ZNF131: variants seen among roughly 807,000 people sequenced by gnomAD.
The protein encoded by ZNF131 is zinc finger protein 131.
In ZNF131, 7 loss-of-function variants were observed where a neutral mutation model predicts 60.0. The observed-to-expected ratio is 0.12, with a 90% CI of 0.07 to 0.22. The LOEUF (loss-of-function observed/expected upper bound fraction) is 0.22, where lower values mean the gene tolerates loss of function less well. Ranked by LOEUF, ZNF131 falls within the 10% of genes least tolerant of loss-of-function variation. The pLI is 1.00. For missense variants in ZNF131, 493 were observed against 740.9 expected (o/e 0.67, Z 3.88); for synonymous variants, 257 against 253.2 (o/e 1.01, Z -0.14).
At chr5:43,170,635 C>CTT (rs35855782) in intron 5 of ZNF131, among the ~76,000 whole-genome samples, 2,828 of 141,452 alleles carry the variant, frequency 0.02, 93 homozygotes, top group African/African-American at 0.063. Context: ...TCTTTGTCCC[C>CTT]TTTTTTTTTT....
chr5:43,144,639 C>T (rs1288045658), intron 4 of ZNF131, among the ~76,000 whole-genome samples: 1 of 152,088 alleles, frequency 6.6e-6, no homozygotes, highest in Non-Finnish European at 1.5e-5. Context: ...ACAGTAGTTG[C>T]AATGATAAAC....
chr5:43,159,948 G>A (rs991829159), intron 4 of ZNF131, among the ~76,000 whole-genome samples: 2 of 152,078 alleles, frequency 1.3e-5, no homozygotes, highest in South Asian at 2.1e-4. Context: ...AGGCCAAGGC[G>A]GGCAGATCAC....
chr5:43,158,197 A>C (rs911151409), intron 4 of ZNF131, among the ~76,000 whole-genome samples: 2 of 152,066 alleles, frequency 1.3e-5, no homozygotes, highest in Non-Finnish European at 2.9e-5. Flanking sequence ...CAAACTCCCG[A>C]CCTCAGTTGA....
intron 4 of ZNF131, among the ~76,000 whole-genome samples, chr5:43,151,321 AC>A (rs1748281063): frequency 6.6e-6 from 1 of 152,182 alleles, no homozygotes; most frequent in Non-Finnish European, 1.5e-5. Flanking sequence ...AGAATTTCTA[AC>A]CAAGAGTATC....
rs1489304711 is a variant in ZNF131, at chr5:43,175,508, T to G, written c.*375T>G. 1 of 698,104 alleles carries G rather than the reference T, an allele frequency of 1.4e-6. No individual in the cohort carries two copies. The highest frequency in any genetic ancestry group is 1.8e-5 in the African/African-American group (1 of 56,912). 43.2% of individuals were successfully genotyped at this position (698,104 alleles called of 1,614,324 possible). A position where few individuals can be genotyped will look rare whatever the true frequency, so the allele number is the denominator to read the frequency against. On this transcript the variant is annotated 3_prime_UTR_variant, in exon 7 of 7. Coordinates refer to ENST00000682664, the MANE Select transcript of ZNF131 (RefSeq NM_001330707.2). ...TATTGTAAAATCAAACTTAAATCAT[T>G]AGAATACAAGTTTATGTATTCTAAT...
intron 3 of ZNF131, among the ~76,000 whole-genome samples, chr5:43,137,166 G>T (rs1417757361): frequency 6.6e-6 from 1 of 152,180 alleles, no homozygotes; most frequent in African/African-American, 2.4e-5. Context: ...TTTCGTGGAT[G>T]TGACGTCAAA....
chr5:43,167,336 CA>C (rs1163254402), intron 5 of ZNF131, among the ~76,000 whole-genome samples: 2 of 152,070 alleles, frequency 1.3e-5, no homozygotes, highest in Non-Finnish European at 2.9e-5. Context: ...GGGGTTGTCA[CA>C]AATCTTCAGT....
At position 43,162,004 on chromosome 5, in the gene ZNF131, T is replaced by A. The variant is rs1749745103; in HGVS notation, c.1054+73T>A. The A allele has an allele frequency of 3.6e-6, 5 of 1,407,992 alleles. No individual in the cohort carries two copies. In the South Asian group the frequency reaches 4.5e-5, roughly 13 times the overall value. The allele number at this position is 1,407,992 out of a possible 1,614,324, so 87.2% of individuals were successfully genotyped here. On this transcript the variant is annotated intron_variant, in intron 5 of 6. Coordinates refer to ENST00000682664, the MANE Select transcript of ZNF131 (RefSeq NM_001330707.2). ...CAAATTTAAGTATCTAAATCCTTTT[T>A]AAAAAAATAGTGCCTCAGAAGCCAT...
intron 4 of ZNF131, among the ~76,000 whole-genome samples, chr5:43,151,853 C>T (rs1240164388): frequency 6.6e-5 from 10 of 152,100 alleles, no homozygotes; most frequent in Admixed American, 6.6e-4. Context: ...TTCGTGCCTC[C>T]AAAGTAGGCA....
chr5:43,121,989 TTCC>T (rs1743907286), intron 1 of ZNF131, 47 bp from the exon 2 acceptor site: 1 of 1,577,440 alleles, frequency 6.3e-7, no homozygotes, highest in Admixed American at 1.9e-5. Context: ...AGGGGTTTTG[TTCC>T]TCGGCTCGAG....
At chr5:43,134,349 A>G (rs907939089) in intron 3 of ZNF131, among the ~76,000 whole-genome samples, 5 of 152,088 alleles carry the variant, frequency 3.3e-5, no homozygotes, top group African/African-American at 1.2e-4. Flanking sequence ...ACTCTTAAAC[A>G]AACGAGGAAT....
At chr5:43,142,222 A>C (rs1474176789) in intron 4 of ZNF131, among the ~76,000 whole-genome samples, 1 of 150,640 alleles carries the variant, frequency 6.6e-6, no homozygotes, top group African/African-American at 2.4e-5. Context: ...GGGCGCCTGT[A>C]ATCCCAGCTA....
chr5:43,133,321 C>G (rs528492078), intron 3 of ZNF131, among the ~76,000 whole-genome samples: 3 of 152,150 alleles, frequency 2.0e-5, no homozygotes, highest in Admixed American at 2.0e-4. Context: ...AAAAATTAGC[C>G]AGGCGTGGTG....
chr5:43,149,325 C>T (rs1005966059), intron 4 of ZNF131, among the ~76,000 whole-genome samples: 8 of 151,538 alleles, frequency 5.3e-5, no homozygotes, highest in African/African-American at 1.2e-4. Flanking sequence ...GCGGCCAAGG[C>T]GGGTGGATCA....
chr5:43,123,521 T>C (rs567884), intron 3 of ZNF131: 111,534 of 383,726 alleles, frequency 0.29, 18,331 homozygotes, highest in East Asian at 0.64. Flanking sequence ...TTCAGTGAAG[T>C]GCTTGGTTGA....
intron 3 of ZNF131, among the ~76,000 whole-genome samples, chr5:43,133,946 T>C (rs990042031): frequency 6.6e-6 from 1 of 152,130 alleles, no homozygotes; most frequent in Non-Finnish European, 1.5e-5. Context: ...ATTAATTCAA[T>C]GAAATGTTAA....
intron 4 of ZNF131, among the ~76,000 whole-genome samples, chr5:43,155,511 G>A (rs921638353): frequency 5.9e-5 from 9 of 152,166 alleles, no homozygotes; most frequent in African/African-American, 2.2e-4. Context: ...GCTCAGACTA[G>A]TAGCTCAAAG....
At chr5:43,124,092 C>CT (rs760680893) in intron 3 of ZNF131, 3 of 134,168 alleles carry the variant, frequency 2.2e-5, no homozygotes, top group Non-Finnish European at 3.5e-5. Context: ...CCTGTCTTTT[C>CT]TTTTCTTTTC....
At chr5:43,142,597 C>T (rs1028907477) in intron 4 of ZNF131, among the ~76,000 whole-genome samples, 7 of 152,000 alleles carry the variant, frequency 4.6e-5, no homozygotes, top group Non-Finnish European at 4.4e-5. Context: ...AGCCATGGCA[C>T]CCGGCCAAAA....
Sources: allele counts gnomAD v4.1 joint callset (sites outside exome capture counted in the v4.1 genomes callset), GRCh38; gene constraint gnomAD v4.1.1; transcripts MANE v1.5; gene names NCBI Gene and HGNC (gene_info 2026-07-23, HGNC 2026-07-21).